Variants in RBMS3 observed in about 807,000 individuals in gnomAD.
The protein encoded by RBMS3 is RNA binding motif single stranded interacting protein 3.
A neutral mutation model predicts 66.8 loss-of-function variants in RBMS3; 27 were observed. That is an observed-to-expected ratio of 0.40 (90% confidence interval 0.30 to 0.56). RBMS3 has a LOEUF of 0.56. Ranked by LOEUF, RBMS3 falls within the 20% of genes least tolerant of loss-of-function variation. RBMS3 has a pLI of 0.40. For synonymous variants in RBMS3, 188 were observed against 183.0 expected, an observed-to-expected ratio of 1.03 and a Z score of -0.22; for missense variants, 513 against 549.5, an observed-to-expected ratio of 0.93 and a Z score of 0.66.
Position 29,833,175 on chromosome 3 carries a change from G to A in RBMS3, c.638-35683G>A, listed in dbSNP as rs529557388. On this transcript the variant is annotated intron_variant, in intron 6 of 14. Coordinates refer to ENST00000383767, the MANE Select transcript of RBMS3 (RefSeq NM_001003793.3). ...AAGAGAGCTCAGAATCTCTGGCTGG[G>A]TTGATTGGTGAAGGATTAAAACTGA... Among the ~76,000 whole-genome samples, 9 of 152,280 alleles carry A rather than the reference G, an allele frequency of 5.9e-5. No individual in the cohort carries two copies. In the East Asian group the frequency reaches 1.7e-3, roughly 29 times the overall value.
chr3:29,378,429 G>A (rs187613750), intron 1 of RBMS3, among the ~76,000 whole-genome samples: 2 of 150,982 alleles, frequency 1.3e-5, no homozygotes, highest in Non-Finnish European at 2.9e-5. Context: ...CCGAGATCGC[G>A]CCACGGCATT....
chr3:29,731,317 T>A (rs1217415975), intron 4 of RBMS3, among the ~76,000 whole-genome samples: 1 of 152,274 alleles, frequency 6.6e-6, no homozygotes, highest in Non-Finnish European at 1.5e-5. Context: ...GACATTGTTC[T>A]TAGTGTTTCT....
intron 5 of RBMS3, among the ~76,000 whole-genome samples, chr3:29,740,876 C>G (rs564867392): frequency 6.6e-6 from 1 of 152,058 alleles, no homozygotes; most frequent in Admixed American, 6.6e-5. Flanking sequence ...CCCATCTCTA[C>G]TGAAAATACA....
At chr3:29,437,968 G>C (rs1462262471) in intron 2 of RBMS3, among the ~76,000 whole-genome samples, 1 of 151,776 alleles carries the variant, frequency 6.6e-6, no homozygotes, top group East Asian at 1.9e-4. Context: ...GGTATGACCT[G>C]ATGGCTGAAA....
chr3:29,587,291 A>C lies in RBMS3; in HGVS notation c.399+86A>C. ...GTGTGTGTGTGTGAAAGAGAGAGAG[A>C]GAGATCAGGAGGAAGGAAGAAGGAG... is the stretch of plus-strand genomic sequence containing the variant. On this transcript the variant is annotated intron_variant, in intron 4 of 14. Coordinates refer to ENST00000383767, the MANE Select transcript of RBMS3 (RefSeq NM_001003793.3). 6.9e-6 allele frequency: 5 copies of C among 722,544 alleles called. No individual in the cohort carries two copies. The South Asian group carries it at 1.4e-4, about 20-fold the overall frequency. The allele number at this position is 722,544 out of a possible 1,614,324, so 44.8% of individuals were successfully genotyped here.
At chr3:29,494,339 G>A (rs984391872) in intron 3 of RBMS3, among the ~76,000 whole-genome samples, 3 of 152,082 alleles carry the variant, frequency 2.0e-5, no homozygotes, top group Non-Finnish European at 4.4e-5. Context: ...TTTTTATTCC[G>A]GAAGGGGTTA....
chr3:29,836,393 A>G (rs1397363930), intron 6 of RBMS3, among the ~76,000 whole-genome samples: 2 of 152,016 alleles, frequency 1.3e-5, no homozygotes, highest in East Asian at 3.9e-4. Context: ...ATTTAACAGC[A>G]CATTAAATGG....
chr3:29,535,710 C>CTTTTTTTTTTTT lies in RBMS3; in HGVS notation c.307+47231_307+47242dup, dbSNP rs149022808. On this transcript the variant is annotated intron_variant, in intron 3 of 14. Coordinates refer to ENST00000383767, the MANE Select transcript of RBMS3 (RefSeq NM_001003793.3). ...GAGTTCAATGATTGAGATCATTGCT[C>CTTTTTTTTTTTT]TTTTTTTTTTTTTTTTTTTTTTTTT... Among the ~76,000 whole-genome samples the CTTTTTTTTTTTT allele has an allele frequency of 2.1e-3, 83 of 39,742 alleles. 27 individuals are homozygous for CTTTTTTTTTTTT. The highest frequency in any genetic ancestry group is 3.1e-3 in the Admixed American group (6 of 1,946). 26.1% of individuals were successfully genotyped at this position (39,742 alleles called of 152,430 possible). A position where few individuals can be genotyped will look rare whatever the true frequency, so the allele number is the denominator to read the frequency against.
intron 3 of RBMS3, among the ~76,000 whole-genome samples, chr3:29,525,997 T>C (rs1380686149): frequency 6.6e-6 from 1 of 152,186 alleles, no homozygotes; most frequent in Non-Finnish European, 1.5e-5. Context: ...TCTTGTGATT[T>C]CCTTCACTTC....
At chr3:29,681,497 A>C (rs9831428) in intron 4 of RBMS3, among the ~76,000 whole-genome samples, 92,555 of 149,500 alleles carry the variant, frequency 0.62, 29,195 homozygotes, top group African/African-American at 0.74. Flanking sequence ...TATGCTCTCC[A>C]TCCCCCACAC....
At chr3:29,341,233 G>T (rs2036264491) in intron 1 of RBMS3, among the ~76,000 whole-genome samples, 1 of 151,950 alleles carries the variant, frequency 6.6e-6, no homozygotes, top group South Asian at 2.1e-4. Context: ...AGTGGTAATT[G>T]CATACAAAAT....
intron 3 of RBMS3, among the ~76,000 whole-genome samples, chr3:29,554,883 T>C (rs1412977265): frequency 6.6e-6 from 1 of 152,100 alleles, no homozygotes; most frequent in African/African-American, 2.4e-5. Context: ...TAAGCAAAAA[T>C]ATAATTTTTT....
chr3:29,840,359 A>G (rs1328757134), intron 6 of RBMS3, among the ~76,000 whole-genome samples: 2 of 152,122 alleles, frequency 1.3e-5, no homozygotes, highest in African/African-American at 4.8e-5. Flanking sequence ...ATTTTATTAA[A>G]AACAACCATA....
intron 2 of RBMS3, among the ~76,000 whole-genome samples, chr3:29,476,505 CT>C (rs1299898456): frequency 3.3e-5 from 5 of 152,178 alleles, no homozygotes; most frequent in Non-Finnish European, 7.4e-5. Flanking sequence ...TAGCTAAAGA[CT>C]GGACAATGGG....
At chr3:29,496,393 T>A (rs1454809383) in intron 3 of RBMS3, among the ~76,000 whole-genome samples, 3 of 152,200 alleles carry the variant, frequency 2.0e-5, no homozygotes, top group Non-Finnish European at 2.9e-5. Context: ...TTATTTGATT[T>A]TGATATTGGC....
intron 3 of RBMS3, among the ~76,000 whole-genome samples, chr3:29,561,605 A>G (rs1249406353): frequency 6.6e-6 from 1 of 152,112 alleles, no homozygotes; most frequent in East Asian, 1.9e-4. Context: ...GGCACACGCC[A>G]CCACACCCAG....
At chr3:29,992,569 T>C (rs1698956330) in intron 14 of RBMS3, among the ~76,000 whole-genome samples, 1 of 151,962 alleles carries the variant, frequency 6.6e-6, no homozygotes, top group African/African-American at 2.4e-5. Flanking sequence ...GCCACTGCAC[T>C]CCAGCCTGGG....
chr3:29,607,838 T>G (rs1192298834), intron 4 of RBMS3, among the ~76,000 whole-genome samples: 1 of 152,006 alleles, frequency 6.6e-6, no homozygotes, highest in Non-Finnish European at 1.5e-5. Context: ...ATCATAAATT[T>G]TGTATATTCC....
chr3:29,379,164 G>T (rs2038640502), intron 1 of RBMS3, among the ~76,000 whole-genome samples: 1 of 152,172 alleles, frequency 6.6e-6, no homozygotes, highest in African/African-American at 2.4e-5. Flanking sequence ...CTCACATACA[G>T]TGCAAGTCAC....
Sources: gnomAD v4.1 joint callset for allele counts (sites outside exome capture counted in the v4.1 genomes callset) on GRCh38, gnomAD v4.1.1 for gene constraint, MANE v1.5 for transcripts, NCBI Gene and HGNC (gene_info 2026-07-23, HGNC 2026-07-21) for gene names.